The following ZNF74 variants were observed in gnomAD, a reference collection of about 807,000 sequenced individuals.
The protein encoded by ZNF74 is zinc finger protein 74, also known as zinc finger protein 520.
A neutral mutation model predicts 17.7 loss-of-function variants in ZNF74; 12 were observed. The ratio of observed to expected loss-of-function variants is 0.68; its 90% CI spans 0.43 to 1.10. ZNF74 has a LOEUF of 1.10. Among genes scored for constraint, ZNF74 ranks in the 50% least tolerant of loss-of-function variants. ZNF74 has a pLI of 0.00. For synonymous variants in ZNF74, 358 were observed against 362.1 expected, an observed-to-expected ratio of 0.99 and a Z score of 0.13; for missense variants, 811 against 881.0, an observed-to-expected ratio of 0.92 and a Z score of 1.01.
In ZNF74 at chr22:20,405,708, G is replaced by T; in HGVS notation, c.675G>T (p.Thr225=). ...TGTGTGCAGGGGAAAACGCCTCCAC[G>T]CCAAGTGAGCCAGAAAAGTTCCCCC... is the stretch of plus-strand genomic sequence containing the variant. ...ARLCAGENAS[T]PSEPEKFPQV... is the part of the protein sequence containing the mutation. The change falls in exon 5 of 5, where the codon ACG becomes ACT. Residue 225 remains threonine, a synonymous_variant. Coordinates refer to ENST00000400451, the MANE Select transcript of ZNF74 (RefSeq NM_003426.4). 1 of 1,603,208 alleles carries T rather than the reference G, an allele frequency of 6.2e-7. No individual in the cohort carries two copies. The highest frequency in any genetic ancestry group is 8.5e-7 in the Non-Finnish European group (1 of 1,175,246).
chr22:20,399,843 A>T (rs913952280), intron 2 of ZNF74: 1 of 165,466 alleles, frequency 6.0e-6, no homozygotes, highest in African/African-American at 2.4e-5. Flanking sequence ...CTGTTCTAAT[A>T]TACTCTTAAT....
rs747024725 is a variant in ZNF74 at position 20,405,652 on chromosome 22, A to C, written c.619A>C (p.Thr207Pro). 5.0e-6 allele frequency: 8 copies of C among 1,612,736 alleles called. No homozygotes were observed. In the South Asian group the frequency reaches 7.7e-5, roughly 16 times the overall value. ...LLDTRKNVQA[T>P]EGRTKAPARL... ...GGACACACGCAAGAACGTCCAGGCC[A>C]CTGAGGGCAGAACCAAGGCCCCCGC... is the stretch of plus-strand genomic sequence containing the variant. The change falls in exon 5 of 5, where the codon ACT becomes CCT. Residue 207 changes from threonine (T) to proline (P), a missense_variant. Physicochemically the swap from Thr to Pro is conservative, Grantham distance 38. This residue lies in a region of ZNF74 where 666 missense variants were observed against 702.3 expected (regional missense o/e 0.95). Transcript: ENST00000400451.
At chr22:20,398,369 C>T (rs1475236868) in intron 2 of ZNF74, among the ~76,000 whole-genome samples, 1 of 147,492 alleles carries the variant, frequency 6.8e-6, no homozygotes, top group Admixed American at 6.7e-5. Flanking sequence ...AGCATTGAGA[C>T]ATAAGAATTT....
rs923169671 is a variant in ZNF74 at position 20,401,605 on chromosome 22, C to G, written c.343+233C>G. On this transcript the variant is annotated intron_variant, in intron 4 of 4. Transcript: ENST00000400451. This position sits in a 1 kb window ranked among gnomAD's most constrained non-coding sequence, Gnocchi z 4.2. Reference sequence around the variant, plus strand: ...CCTGGCCACTGGGACCAAATGGTCACCTGCTGATGGGGATGGGGAGGCAGG... The same window carrying G: ...CCTGGCCACTGGGACCAAATGGTCAGCTGCTGATGGGGATGGGGAGGCAGG... 6.6e-6 allele frequency among the ~76,000 whole-genome samples: 1 copy of G among 152,168 alleles called. No homozygotes were observed. The highest frequency in any genetic ancestry group is 6.6e-5 in the Admixed American group (1 of 15,266).
rs974983172 is a variant in ZNF74 at position 20,405,276 on chromosome 22, C to T, written c.344-101C>T. 1.1e-5 allele frequency: 15 copies of T among 1,335,998 alleles called. No homozygotes were observed. The South Asian group carries it at 1.6e-4, about 14-fold the overall frequency. 82.8% of individuals were successfully genotyped at this position (1,335,998 alleles called of 1,614,324 possible). ...AGCCTTGGCCCTGGTGGCCTCTCCT[C>T]TCTTTTCTGGGCTTATCTGCATCTC... On this transcript the variant is annotated intron_variant, in intron 4 of 4. Transcript: ENST00000400451.
chr22:20,397,213 A>G (rs1277814645), intron 2 of ZNF74, among the ~76,000 whole-genome samples: 1 of 151,922 alleles, frequency 6.6e-6, no homozygotes, highest in Non-Finnish European at 1.5e-5. Flanking sequence ...AGTAGTTGGG[A>G]CCAACGTGTG....
Position 20,397,190 on chromosome 22 carries a change from C to G in ZNF74, c.120+1772C>G, listed in dbSNP as rs759922657. Among the ~76,000 whole-genome samples, 3 of 152,180 alleles carry G rather than the reference C, an allele frequency of 2.0e-5. 1 individual carries two copies. Among genetic ancestry groups the G allele is most frequent in the South Asian group, 4.2e-4 (2 of 4,818 alleles). On this transcript the variant is annotated intron_variant, in intron 2 of 4. Transcript: ENST00000400451. Reference sequence around the variant, plus strand: ...CTCCTGGGCTCAAGCAAATCCCCCACCTCGGCCTCCTAAGTAGTTGGGACC... The same window carrying G: ...CTCCTGGGCTCAAGCAAATCCCCCAGCTCGGCCTCCTAAGTAGTTGGGACC...
Position 20,408,380 on chromosome 22 carries a change from C to G in ZNF74, c.*1412C>G, listed in dbSNP as rs1013261904. 6.6e-6 allele frequency: 1 copy of G among 152,166 alleles called. No homozygotes were observed. The highest frequency in any genetic ancestry group is 2.4e-5 in the African/African-American group (1 of 41,432). The allele number at this position is 152,166 out of a possible 1,614,324, so 9.4% of individuals were successfully genotyped here. On this transcript the variant is annotated 3_prime_UTR_variant, in exon 5 of 5. Coordinates refer to ENST00000400451, the MANE Select transcript of ZNF74 (RefSeq NM_003426.4). ...TTTTTAAATTATGCAGGCAAAATAA[C>G]CACACTTCAGAAAATGTGGACTTCT... is the stretch of plus-strand genomic sequence containing the variant.
At chr22:20,395,995 T>G (rs1464407158) in intron 2 of ZNF74, among the ~76,000 whole-genome samples, 4 of 152,082 alleles carry the variant, frequency 2.6e-5, no homozygotes, top group Non-Finnish European at 5.9e-5. Context: ...CCTGGGAACT[T>G]CTGCAGCCAA....
In ZNF74 at chr22:20,405,708, G is replaced by A. The variant is rs9610278; in HGVS notation, c.675G>A (p.Thr225=). ...ARLCAGENAS[T]PSEPEKFPQV... is the part of the protein sequence containing the mutation. ...TGTGTGCAGGGGAAAACGCCTCCAC[G>A]CCAAGTGAGCCAGAAAAGTTCCCCC... The change falls in exon 5 of 5, where the codon ACG becomes ACA. Residue 225 remains threonine, a synonymous_variant. Transcript: ENST00000400451. 1 of 1,603,208 alleles carries A rather than the reference G, an allele frequency of 6.2e-7. No homozygotes were observed. Among genetic ancestry groups the A allele is most frequent in the Non-Finnish European group, 8.5e-7 (1 of 1,175,246 alleles).
At chr22:20,395,285 A>G in intron 1 of ZNF74, 48 bp from the exon 2 acceptor site, 1 of 1,458,848 alleles carries the variant, frequency 6.9e-7, no homozygotes, top group Non-Finnish European at 9.5e-7. Context: ...CTTTAAGCTC[A>G]GCCGTGAGCC....
In ZNF74 at chr22:20,407,831, C is replaced by T. The variant is rs1242537407; in HGVS notation, c.*863C>T. 1 of 152,192 alleles carries T rather than the reference C, an allele frequency of 6.6e-6. No homozygotes were observed. Among genetic ancestry groups the T allele is most frequent in the Non-Finnish European group, 1.5e-5 (1 of 68,036 alleles). The allele number at this position is 152,192 out of a possible 1,614,324, so 9.4% of individuals were successfully genotyped here. On this transcript the variant is annotated 3_prime_UTR_variant, in exon 5 of 5. Transcript: ENST00000400451. ...TAGTGACAGTGCAGTCAGGGGCATT[C>T]CCACAGCTGTCACAGCACGGCCCAG...
In ZNF74 at chr22:20,406,291, G is replaced by C; in HGVS notation, c.1258G>C (p.Asp420His). 1 of 1,612,002 alleles carries C rather than the reference G, an allele frequency of 6.2e-7. No individual in the cohort carries two copies. The highest frequency in any genetic ancestry group is 1.1e-5 in the South Asian group (1 of 91,076). Residue 420 changes from aspartate (D) to histidine (H), a missense_variant, in exon 5 of 5, where the codon GAC (aspartate) becomes CAC (histidine). Coordinates refer to ENST00000400451, the MANE Select transcript of ZNF74 (RefSeq NM_003426.4). ...HSGDKPFKCS[D>H]CEKAFNSRSR... ...CGGGGACAAGCCGTTCAAGTGCAGC[G>C]ACTGCGAGAAGGCCTTCAACAGCCG... is the stretch of plus-strand genomic sequence containing the variant.
Position 20,401,038 on chromosome 22 carries a change from T to G in ZNF74, c.248-239T>G. The G allele has an allele frequency of 1.7e-6, 1 of 593,484 alleles. No individual in the cohort carries two copies. The highest frequency in any genetic ancestry group is 3.0e-6 in the Non-Finnish European group (1 of 334,782). 36.8% of individuals were successfully genotyped at this position (593,484 alleles called of 1,614,324 possible). On this transcript the variant is annotated intron_variant, in intron 3 of 4. Coordinates refer to ENST00000400451, the MANE Select transcript of ZNF74 (RefSeq NM_003426.4). This position sits in a 1 kb window ranked among gnomAD's most constrained non-coding sequence, Gnocchi z 4.2. ...AGAAGGTGGGACCCTGGAGCCCAGC[T>G]GGCTCTGGAACAGTCCTCAAGCAAT... is the stretch of plus-strand genomic sequence containing the variant.
intron 4 of ZNF74, among the ~76,000 whole-genome samples, chr22:20,403,793 G>A (rs975000618): frequency 8.0e-5 from 12 of 149,142 alleles, no homozygotes; most frequent in Non-Finnish European, 1.3e-4. Context: ...CCCGCCCCCC[G>A]TCAAGACACC....
At chr22:20,400,260 T>A (rs4485654) in intron 2 of ZNF74, 78,141 of 215,900 alleles carry the variant, frequency 0.36, 16,241 homozygotes, top group African/African-American at 0.62. Context: ...CTATTAATAT[T>A]CTCTCAAATT....
chr22:20,397,916 T>G (rs1408826294), intron 2 of ZNF74, among the ~76,000 whole-genome samples: 1 of 152,216 alleles, frequency 6.6e-6, no homozygotes, highest in African/African-American at 2.4e-5. Flanking sequence ...CACATGGTCT[T>G]ACCTCTTCTA....
chr22:20,406,986 T>C lies in ZNF74; in HGVS notation c.*18T>C, dbSNP rs949787660. 1.9e-6 allele frequency: 3 copies of C among 1,593,796 alleles called. No homozygotes were observed. Among genetic ancestry groups the C allele is most frequent in the African/African-American group, 2.7e-5 (2 of 74,608 alleles). On this transcript the variant is annotated 3_prime_UTR_variant, in exon 5 of 5. Transcript: ENST00000400451. ...GAAACTAACATGATGTGCTTTGGTG[T>C]CAGTAGCTGCTTTCTGAGCTACTCA... is the stretch of plus-strand genomic sequence containing the variant.
At chr22:20,398,241 C>T (rs929222533) in intron 2 of ZNF74, among the ~76,000 whole-genome samples, 2 of 150,816 alleles carry the variant, frequency 1.3e-5, no homozygotes. Context: ...CTCTTGAACC[C>T]AGGAGGCAGA....
Sources: allele counts gnomAD v4.1 joint callset (sites outside exome capture counted in the v4.1 genomes callset), GRCh38; gene constraint gnomAD v4.1.1; regional missense constraint gnomAD v4.1.1; non-coding constraint Gnocchi (gnomAD v3.1); transcripts MANE v1.5; gene names NCBI Gene and HGNC (gene_info 2026-07-23, HGNC 2026-07-21).